Variants in ARHGAP23 observed in about 807,000 individuals in gnomAD.
ARHGAP23 encodes the protein Rho GTPase activating protein 23.
Under a neutral mutation model 136.3 loss-of-function variants are expected in ARHGAP23, and 34 were observed. The observed-to-expected ratio is 0.25, with a 90% CI of 0.19 to 0.33. The LOEUF (loss-of-function observed/expected upper bound fraction) is 0.33, where lower values mean the gene tolerates loss of function less well. Among genes scored for constraint, ARHGAP23 ranks in the 10% least tolerant of loss-of-function variants. The pLI, the probability that ARHGAP23 is intolerant of heterozygous loss-of-function variation, is 1.00. For missense variants in ARHGAP23, 1,808 were observed against 2,139.0 expected (o/e 0.85, Z 3.05); for synonymous variants, 832 against 920.5 (o/e 0.90, Z 1.74).
At chr17:38,475,088 C>G (rs1424861498) in intron 11 of ARHGAP23, among the ~76,000 whole-genome samples, 3 of 152,368 alleles carry the variant, frequency 2.0e-5, no homozygotes, top group South Asian at 2.1e-4. Flanking sequence ...CACTTGTTCT[C>G]TTGGTGCCGT....
chr17:38,432,380 A>T (rs968336704), intron 1 of ARHGAP23, among the ~76,000 whole-genome samples: 22 of 151,752 alleles, frequency 1.4e-4, no homozygotes, highest in South Asian at 2.1e-4. Flanking sequence ...CTACAGAAAA[A>T]TTTTAAAAAT....
chr17:38,487,384 C>T (rs1187902907), intron 17 of ARHGAP23, among the ~76,000 whole-genome samples: 1 of 152,162 alleles, frequency 6.6e-6, no homozygotes, highest in East Asian at 1.9e-4. Flanking sequence ...TGAATAAGTC[C>T]TTGCACGCCT....
At chr17:38,434,869 G>A (rs2038760830) in intron 1 of ARHGAP23, among the ~76,000 whole-genome samples, 1 of 152,190 alleles carries the variant, frequency 6.6e-6, no homozygotes, top group Admixed American at 6.5e-5. Flanking sequence ...TGGGGACCTG[G>A]GCAATCCAGA....
chr17:38,491,803 A>G (rs1000242894), intron 20 of ARHGAP23: 27 of 489,732 alleles, frequency 5.5e-5, no homozygotes, highest in African/African-American at 4.6e-4. Flanking sequence ...ATGCCTGGGA[A>G]AGGTAGAAGA....
chr17:38,426,271 G>A (rs1318710743), upstream of ARHGAP23, among the ~76,000 whole-genome samples: 1 of 151,918 alleles, frequency 6.6e-6, no homozygotes, highest in Non-Finnish European at 1.5e-5. Flanking sequence ...GGCCAGGCGC[G>A]GTGGCTCATG....
At chr17:38,467,917 C>T (rs1210876343) in intron 7 of ARHGAP23, among the ~76,000 whole-genome samples, 2 of 152,194 alleles carry the variant, frequency 1.3e-5, no homozygotes, top group African/African-American at 4.8e-5. Context: ...ATATTTGTGT[C>T]AGGCCCTGTG....
intron 1 of ARHGAP23, among the ~76,000 whole-genome samples, chr17:38,437,247 C>T (rs112944801): frequency 0.075 from 11,363 of 151,138 alleles, 514 homozygotes; most frequent in Middle Eastern, 0.22. Context: ...GCTCTGTCAC[C>T]CAGGCTGGAG....
intron 20 of ARHGAP23, among the ~76,000 whole-genome samples, chr17:38,492,849 G>C (rs1392120861): frequency 6.6e-6 from 1 of 152,240 alleles, no homozygotes; most frequent in Admixed American, 6.5e-5. Context: ...GCTCTCCAGG[G>C]CACCAGGGAG....
At chr17:38,496,660 A>T (rs1221499918) in intron 20 of ARHGAP23, among the ~76,000 whole-genome samples, 1 of 152,094 alleles carries the variant, frequency 6.6e-6, no homozygotes, top group Non-Finnish European at 1.5e-5. Flanking sequence ...CAGGAGGTTC[A>T]CTTAAGGGGT....
chr17:38,435,086 C>T (rs1234744447), intron 1 of ARHGAP23, among the ~76,000 whole-genome samples: 1 of 152,214 alleles, frequency 6.6e-6, no homozygotes, highest in Non-Finnish European at 1.5e-5. Flanking sequence ...ACCCTCCTTC[C>T]CTGTCTCTCC....
At chr17:38,490,256 G>A (rs1466307177) in intron 18 of ARHGAP23, 81 bp downstream of exon 18, 2 of 1,397,546 alleles carry the variant, frequency 1.4e-6, no homozygotes, top group East Asian at 2.5e-5. Flanking sequence ...GGAGTCCGGT[G>A]CTGCCCACGA....
chr17:38,437,487 C>A (rs1347140423), intron 1 of ARHGAP23, among the ~76,000 whole-genome samples: 2 of 152,018 alleles, frequency 1.3e-5, no homozygotes, highest in African/African-American at 4.8e-5. Context: ...TGTGGTGGTG[C>A]ACACCTGTAG....
chr17:38,452,669 G>T (rs2039204325), intron 1 of ARHGAP23, among the ~76,000 whole-genome samples: 3 of 152,220 alleles, frequency 2.0e-5, no homozygotes, highest in Admixed American at 2.0e-4. Context: ...GTAAGTGGCT[G>T]TGGTGATATT....
chr17:38,488,263 A>G (rs538028512), intron 17 of ARHGAP23, among the ~76,000 whole-genome samples: 3 of 152,250 alleles, frequency 2.0e-5, no homozygotes, highest in East Asian at 3.9e-4. Flanking sequence ...GGGAAATGGT[A>G]TCTCATTATT....
intron 1 of ARHGAP23, among the ~76,000 whole-genome samples, chr17:38,449,905 C>T (rs1192940987): frequency 6.6e-6 from 1 of 152,154 alleles, no homozygotes; most frequent in Non-Finnish European, 1.5e-5. Context: ...TAACCACACG[C>T]CCTGCAACAC....
At chr17:38,450,751 T>C (rs1040135384) in intron 1 of ARHGAP23, 12 of 152,218 alleles carry the variant, frequency 7.9e-5, no homozygotes, top group African/African-American at 2.7e-4. Context: ...AAAAAATCTC[T>C]GGTTATCTGA....
At chr17:38,488,514 G>A (rs2040204331) in intron 17 of ARHGAP23, among the ~76,000 whole-genome samples, 1 of 152,168 alleles carries the variant, frequency 6.6e-6, no homozygotes, top group South Asian at 2.1e-4. Context: ...TCACTTTGCA[G>A]TATAGAAACT....
intron 14 of ARHGAP23, among the ~76,000 whole-genome samples, chr17:38,481,296 A>G (rs1343210023): frequency 3.3e-5 from 5 of 151,826 alleles, no homozygotes; most frequent in South Asian, 2.1e-4. Context: ...ACAGGCGCCC[A>G]CCACCACGCC....
At chr17:38,458,970 C>T (rs572037906) in intron 2 of ARHGAP23, among the ~76,000 whole-genome samples, 2 of 152,286 alleles carry the variant, frequency 1.3e-5, no homozygotes, top group African/African-American at 4.8e-5. Context: ...AACCAGGGGT[C>T]CTGACCCCAA....
Sources: gnomAD v4.1 joint callset for allele counts (sites outside exome capture counted in the v4.1 genomes callset) on GRCh38, gnomAD v4.1.1 for gene constraint, MANE v1.5 for transcripts, NCBI Gene and HGNC (gene_info 2026-07-23, HGNC 2026-07-21) for gene names.